Variants in ADAMTSL1 observed in about 807,000 individuals in gnomAD.
ADAMTSL1 encodes the protein ADAMTS like 1, also known as ADAMTS-like protein 1.
In ADAMTSL1, 126 loss-of-function variants were observed where a neutral mutation model predicts 201.8. The ratio of observed to expected loss-of-function variants is 0.62; its 90% CI spans 0.54 to 0.72. The LOEUF (loss-of-function observed/expected upper bound fraction) is 0.72, where lower values mean the gene tolerates loss of function less well. Ranked by LOEUF, ADAMTSL1 falls within the 30% of genes least tolerant of loss-of-function variation. ADAMTSL1 has a pLI of 0.00. For synonymous variants in ADAMTSL1, 1,121 were observed against 903.4 expected (o/e 1.24, Z -4.32); for missense variants, 2,679 against 2,277.8 (o/e 1.18, Z -3.59).
intron 2 of ADAMTSL1, among the ~76,000 whole-genome samples, chr9:18,510,147 G>C (rs1817945588): frequency 6.6e-6 from 1 of 152,142 alleles, no homozygotes; most frequent in Non-Finnish European, 1.5e-5. Context: ...TCTCAGGTCT[G>C]ATTATTTTTT....
At chr9:18,650,401 A>T (rs138687903) in intron 7 of ADAMTSL1, among the ~76,000 whole-genome samples, 13,454 of 151,710 alleles carry the variant, frequency 0.089, 708 homozygotes, top group Admixed American at 0.13. Context: ...GCACCCACTG[A>T]CCTGCACCCA....
chr9:18,615,078 T>A (rs1010773789), intron 4 of ADAMTSL1, among the ~76,000 whole-genome samples: 3 of 152,350 alleles, frequency 2.0e-5, no homozygotes, highest in East Asian at 3.9e-4. Context: ...GGTGACCTTA[T>A]GTAGTTTTAT....
intron 2 of ADAMTSL1, among the ~76,000 whole-genome samples, chr9:18,425,941 G>C (rs185982801): frequency 7.9e-5 from 12 of 151,340 alleles, no homozygotes; most frequent in African/African-American, 2.9e-4. Context: ...AGGGTGAAAA[G>C]ATGTTATTAT....
chr9:18,549,113 G>T (rs528968746), intron 3 of ADAMTSL1, among the ~76,000 whole-genome samples: 26 of 152,056 alleles, frequency 1.7e-4, no homozygotes, highest in Admixed American at 7.2e-4. Context: ...TCAGACTAAA[G>T]TTGCAATGAA....
intron 1 of ADAMTSL1, among the ~76,000 whole-genome samples, chr9:18,105,591 A>C (rs1434568497): frequency 6.6e-6 from 1 of 152,280 alleles, no homozygotes; most frequent in South Asian, 2.1e-4. Context: ...TGTAGTGGAG[A>C]AATCACATAG....
chr9:18,784,343 G>C (rs924093845), intron 19 of ADAMTSL1, among the ~76,000 whole-genome samples: 1 of 152,208 alleles, frequency 6.6e-6, no homozygotes, highest in Non-Finnish European at 1.5e-5. Flanking sequence ...TATTTTCTCC[G>C]TAATTCTAAG....
chr9:18,365,601 G>C (rs1836731074), intron 2 of ADAMTSL1, among the ~76,000 whole-genome samples: 1 of 152,144 alleles, frequency 6.6e-6, no homozygotes, highest in Admixed American at 6.5e-5. Flanking sequence ...TAGAAGAAAA[G>C]GGAAAGAGGA....
chr9:18,899,431 G>GAATT (rs1829868052), intron 26 of ADAMTSL1, among the ~76,000 whole-genome samples: 1 of 152,120 alleles, frequency 6.6e-6, no homozygotes, highest in African/African-American at 2.4e-5. Flanking sequence ...ATTCATCACA[G>GAATT]AATTAGAAAA....
intron 15 of ADAMTSL1, chr9:18,723,076 C>T: frequency 1.3e-6 from 1 of 778,544 alleles, no homozygotes; most frequent in Middle Eastern, 2.3e-4. Flanking sequence ...AACCAAGAGG[C>T]CTGGCTTCTC....
intron 23 of ADAMTSL1, among the ~76,000 whole-genome samples, chr9:18,848,712 G>A (rs1490087204): frequency 6.6e-6 from 1 of 152,194 alleles, no homozygotes; most frequent in Non-Finnish European, 1.5e-5. Context: ...AACATTTTCT[G>A]TAAAGTGCCA....
intron 2 of ADAMTSL1, among the ~76,000 whole-genome samples, chr9:18,521,886 G>T (rs1008654329): frequency 6.6e-6 from 1 of 152,246 alleles, no homozygotes; most frequent in Non-Finnish European, 1.5e-5. Context: ...GGGATGGCTT[G>T]TCATCTAACT....
chr9:18,542,073 G>A (rs976731196), intron 3 of ADAMTSL1, among the ~76,000 whole-genome samples: 2 of 152,156 alleles, frequency 1.3e-5, no homozygotes, highest in African/African-American at 4.8e-5. Flanking sequence ...TACAGAGCAG[G>A]GAGGGACTGA....
At chr9:18,565,355 C>T (rs1821812940) in intron 3 of ADAMTSL1, among the ~76,000 whole-genome samples, 1 of 152,098 alleles carries the variant, frequency 6.6e-6, no homozygotes, top group Admixed American at 6.5e-5. Flanking sequence ...TGAACTTGAT[C>T]TATTGTAAGG....
intron 2 of ADAMTSL1, among the ~76,000 whole-genome samples, chr9:18,277,993 A>G (rs1414439526): frequency 6.6e-6 from 1 of 152,124 alleles, no homozygotes; most frequent in African/African-American, 2.4e-5. Context: ...AAAATATCTT[A>G]CAATAGTCTA....
intron 2 of ADAMTSL1, among the ~76,000 whole-genome samples, chr9:18,285,290 A>G (rs60406755): frequency 0.13 from 19,570 of 152,172 alleles, 1,331 homozygotes; most frequent in Middle Eastern, 0.19. Context: ...TCCCTGTGCT[A>G]TGCTGAATAC....
chr9:18,288,645 G>A (rs1248930622), intron 2 of ADAMTSL1, among the ~76,000 whole-genome samples: 1 of 151,962 alleles, frequency 6.6e-6, no homozygotes, highest in African/African-American at 2.4e-5. Flanking sequence ...CAGGCAAAAG[G>A]GAAAGGAAAA....
At chr9:18,724,562 T>G (rs1260808082) in intron 15 of ADAMTSL1, among the ~76,000 whole-genome samples, 1 of 152,244 alleles carries the variant, frequency 6.6e-6, no homozygotes. Context: ...GAACACTTTT[T>G]AAAAATAGTC....
intron 22 of ADAMTSL1, among the ~76,000 whole-genome samples, chr9:18,826,990 C>G (rs1588176479): frequency 1.3e-5 from 2 of 152,164 alleles, no homozygotes; most frequent in Admixed American, 1.3e-4. Context: ...TCTGGCATGG[C>G]TCCTGGTATA....
chr9:18,287,076 C>T (rs1833018863), intron 2 of ADAMTSL1, among the ~76,000 whole-genome samples: 1 of 152,156 alleles, frequency 6.6e-6, no homozygotes, highest in Admixed American at 6.5e-5. Flanking sequence ...TGTTATATGT[C>T]TGCCATGGGT....
Sources: allele counts gnomAD v4.1 joint callset (sites outside exome capture counted in the v4.1 genomes callset), GRCh38; gene constraint gnomAD v4.1.1; transcripts MANE v1.5; gene names NCBI Gene and HGNC (gene_info 2026-07-23, HGNC 2026-07-21).